SWT1: variants seen among roughly 807,000 people sequenced by gnomAD.
SWT1 encodes SWT1 RNA endoribonuclease homolog, also known as transcriptional protein SWT1.
A neutral mutation model predicts 107.3 loss-of-function variants in SWT1; 33 were observed. The ratio of observed to expected loss-of-function variants is 0.31; its 90% CI spans 0.23 to 0.41. The LOEUF is 0.41. Among genes scored for constraint, SWT1 ranks in the 10% least tolerant of loss-of-function variants. The pLI is 1.00. For missense variants in SWT1, 898 were observed against 1,028.9 expected (o/e 0.87, Z 1.74); for synonymous variants, 345 against 348.3 (o/e 0.99, Z 0.11).
At chr1:185,227,488 C>T (rs1275578583) in intron 15 of SWT1, 53 of 566,616 alleles carry the variant, frequency 9.4e-5, no homozygotes, top group Non-Finnish European at 1.6e-4. Flanking sequence ...TATCATATCC[C>T]TCTCTATACG....
Position 185,231,659 on chromosome 1 carries a change from C to G in SWT1, c.2392C>G (p.Leu798Val), listed in dbSNP as rs1660516479. ...ATCATTTGAAGAAGCATTTATATGT[C>G]TTCAAAAGTTAATGGCAGCTGTGAG... ...IASFEEAFIC[L>V]QKLMAAVRDI... is the part of the protein sequence containing the mutation. The change falls in exon 16 of 19, where the codon CTT (leucine) becomes GTT (valine). Residue 798 changes from leucine (L) to valine (V), a missense_variant. Coordinates refer to ENST00000367500, the MANE Select transcript of SWT1 (RefSeq NM_017673.7). The G allele has an allele frequency of 8.7e-6, 14 of 1,608,834 alleles. No individual in the cohort carries two copies. Among genetic ancestry groups the G allele is most frequent in the African/African-American group, 1.3e-5 (1 of 74,906 alleles).
At chr1:185,192,204 C>T (rs1394623328) in intron 10 of SWT1, among the ~76,000 whole-genome samples, 1 of 152,172 alleles carries the variant, frequency 6.6e-6, no homozygotes, top group Non-Finnish European at 1.5e-5. Context: ...ATCCATATTG[C>T]TTTTCTAAAC....
chr1:185,235,262 A>T (rs1158088916), intron 16 of SWT1, among the ~76,000 whole-genome samples: 1 of 152,202 alleles, frequency 6.6e-6, no homozygotes, highest in Non-Finnish European at 1.5e-5. Flanking sequence ...ACACAACAAA[A>T]AAGAAAATTT....
intron 16 of SWT1, among the ~76,000 whole-genome samples, chr1:185,236,834 C>A (rs1316116465): frequency 1.3e-5 from 2 of 152,040 alleles, no homozygotes; most frequent in Non-Finnish European, 2.9e-5. Context: ...GGGCTAATAT[C>A]CAGAATATAC....
chr1:185,219,756 G>A (rs1284271068), intron 14 of SWT1, among the ~76,000 whole-genome samples: 1 of 151,938 alleles, frequency 6.6e-6, no homozygotes, highest in Non-Finnish European at 1.5e-5. Context: ...ACTATGCTTA[G>A]ATCTTTTCCA....
At chr1:185,235,336 C>T (rs892229293) in intron 16 of SWT1, among the ~76,000 whole-genome samples, 1 of 152,142 alleles carries the variant, frequency 6.6e-6, no homozygotes, top group Non-Finnish European at 1.5e-5. Context: ...ACACCAAATC[C>T]AGCAGCACAT....
chr1:185,228,826 G>T (rs1483578513), intron 15 of SWT1, among the ~76,000 whole-genome samples: 1 of 152,068 alleles, frequency 6.6e-6, no homozygotes, highest in African/African-American at 2.4e-5. Context: ...GTGAGGATGG[G>T]AGCATATAGT....
chr1:185,171,871 A>T (rs1655099296), intron 4 of SWT1, among the ~76,000 whole-genome samples: 1 of 152,120 alleles, frequency 6.6e-6, no homozygotes, highest in Admixed American at 6.6e-5. Flanking sequence ...GCATGCCACC[A>T]CTGCACTTCA....
chr1:185,215,492 C>T (rs1436945046), intron 14 of SWT1, among the ~76,000 whole-genome samples: 2 of 152,086 alleles, frequency 1.3e-5, no homozygotes, highest in Non-Finnish European at 2.9e-5. Context: ...CTTATGCAGC[C>T]ATCTTAGCTG....
chr1:185,222,110 C>T, intron 15 of SWT1, 74 bp downstream of exon 15: 1 of 1,018,138 alleles, frequency 9.8e-7, no homozygotes, highest in Middle Eastern at 2.2e-4. Context: ...TTACAGGGTA[C>T]AATTTGATGT....
At chr1:185,202,176 A>G (rs1242094734) in intron 10 of SWT1, among the ~76,000 whole-genome samples, 4 of 152,008 alleles carry the variant, frequency 2.6e-5, no homozygotes, top group Admixed American at 1.3e-4. Context: ...TTCTAATCAT[A>G]TTGGCTTCTT....
intron 16 of SWT1, among the ~76,000 whole-genome samples, chr1:185,236,485 A>G (rs557991785): frequency 1.3e-4 from 20 of 152,348 alleles, no homozygotes; most frequent in African/African-American, 4.6e-4. Context: ...TCCCTATTTA[A>G]TAAATGGTGT....
At chr1:185,184,159 T>TTC in intron 7 of SWT1, 84 bp from the exon 8 acceptor site, 1 of 664,182 alleles carries the variant, frequency 1.5e-6, no homozygotes, top group Non-Finnish European at 2.6e-6. Flanking sequence ...TAATTGAATT[T>TTC]TCAATGCTTC....
At position 185,202,803 on chromosome 1, in the gene SWT1, G is replaced by T; in HGVS notation, c.1669+4G>T. 6.8e-7 allele frequency: 1 copy of T among 1,467,746 alleles called. No homozygotes were observed. The highest frequency in any genetic ancestry group is 1.5e-5 in the South Asian group (1 of 66,536). 90.9% of individuals were successfully genotyped at this position (1,467,746 alleles called of 1,614,324 possible). A position where few individuals can be genotyped will look rare whatever the true frequency, so the allele number is the denominator to read the frequency against. On this transcript the variant is annotated splice_donor_region_variant and intron_variant, in intron 11 of 18. Transcript: ENST00000367500. ...CCTAAGCAACAGTTGAAAGCAGGTAGTATTTTTACTATAAATAATTAGAGA... is the reference window on the plus strand; with the variant it reads ...CCTAAGCAACAGTTGAAAGCAGGTATTATTTTTACTATAAATAATTAGAGA...
chr1:185,222,268 A>C (rs573524049), intron 15 of SWT1, among the ~76,000 whole-genome samples: 1 of 152,270 alleles, frequency 6.6e-6, no homozygotes, highest in African/African-American at 2.4e-5. Context: ...CCACGTTGTC[A>C]CAAGTGACAG....
At chr1:185,226,245 G>A (rs1049656585) in intron 15 of SWT1, among the ~76,000 whole-genome samples, 3 of 152,108 alleles carry the variant, frequency 2.0e-5, no homozygotes, top group Admixed American at 6.6e-5. Context: ...CTATGTAATA[G>A]CATTTCAGCA....
chr1:185,167,053 G>A (rs1292213336), intron 3 of SWT1, among the ~76,000 whole-genome samples: 2 of 152,036 alleles, frequency 1.3e-5, no homozygotes, highest in Admixed American at 6.6e-5. Flanking sequence ...GATTACAGGC[G>A]TGCACCACCA....
intron 10 of SWT1, among the ~76,000 whole-genome samples, chr1:185,195,205 G>A (rs1657283523): frequency 6.6e-6 from 1 of 152,100 alleles, no homozygotes; most frequent in Admixed American, 6.6e-5. Context: ...GTGTCCATGT[G>A]TTCTCATTGT....
chr1:185,195,457 A>T (rs547266007), intron 10 of SWT1, among the ~76,000 whole-genome samples: 1 of 152,204 alleles, frequency 6.6e-6, no homozygotes, highest in Non-Finnish European at 1.5e-5. Context: ...CGCAATAAAC[A>T]TATGTGTGCA....
Sources: gnomAD v4.1 joint callset for allele counts (sites outside exome capture counted in the v4.1 genomes callset) on GRCh38, gnomAD v4.1.1 for gene constraint, MANE v1.5 for transcripts, NCBI Gene and HGNC (gene_info 2026-07-23, HGNC 2026-07-21) for gene names.